OPA3: variants seen among roughly 807,000 people sequenced by gnomAD.
OPA3 encodes optic atrophy 3 protein.
A neutral mutation model predicts 4.0 loss-of-function variants in OPA3; 6 were observed. The ratio of observed to expected loss-of-function variants is 1.51; its 90% CI spans 0.83 to 2.99. The LOEUF (loss-of-function observed/expected upper bound fraction) is 2.99. Among genes scored for constraint, OPA3 ranks in the 30% most tolerant of loss-of-function variants. OPA3 has a pLI of 0.00. For synonymous variants in OPA3, 105 were observed against 117.1 expected (o/e 0.90, Z 0.67); for missense variants, 235 against 256.2 (o/e 0.92, Z 0.56).
intron 1 of OPA3, among the ~76,000 whole-genome samples, chr19:45,530,926 AC>A (rs1969052890): frequency 6.0e-5 from 3 of 49,606 alleles, no homozygotes; most frequent in Non-Finnish European, 1.2e-4. Flanking sequence ...CATGTCACCT[AC>A]TTTTTTTTTT....
rs1420741349 is a variant in OPA3, at chr19:45,548,109, T to A, written c.*5405A>T. 1 of 985,306 alleles carries A rather than the reference T, an allele frequency of 1.0e-6. No homozygotes were observed. Among genetic ancestry groups the A allele is most frequent in the Admixed American group, 6.2e-5 (1 of 16,220 alleles). The allele number at this position is 985,306 out of a possible 1,614,324, so 61.0% of individuals were successfully genotyped here. ...CTAGAATGGAGCCTGGTGCAGTTGA[T>A]CCTCAGTACACTCAGAGTTGCCATG... On this transcript the variant is annotated 3_prime_UTR_variant, in exon 2 of 2. Coordinates refer to ENST00000263275, the MANE Select transcript of OPA3 (RefSeq NM_025136.4).
At chr19:45,530,648 G>A (rs562483359) in intron 1 of OPA3, among the ~76,000 whole-genome samples, 31 of 151,972 alleles carry the variant, frequency 2.0e-4, no homozygotes, top group African/African-American at 6.5e-4. Context: ...TACTAGAGAC[G>A]GGTTTTCACC....
At chr19:45,555,780 C>T (rs911996272) in intron 1 of OPA3, among the ~76,000 whole-genome samples, 1 of 152,012 alleles carries the variant, frequency 6.6e-6, no homozygotes, top group Non-Finnish European at 1.5e-5. Context: ...CGTGAGCCAC[C>T]GTGCCTAGTC....
At chr19:45,580,341 T>C (rs1241568038) in intron 1 of OPA3, among the ~76,000 whole-genome samples, 1 of 144,666 alleles carries the variant, frequency 6.9e-6, no homozygotes, top group Non-Finnish European at 1.5e-5. Flanking sequence ...TTGCCCAGGC[T>C]GGAGTGCAAT....
At chr19:45,565,026 A>G (rs1204839898) in intron 1 of OPA3, among the ~76,000 whole-genome samples, 1 of 151,846 alleles carries the variant, frequency 6.6e-6, no homozygotes, top group African/African-American at 2.4e-5. Flanking sequence ...AGAGATCGAG[A>G]CCATCCTGGC....
At chr19:45,535,485 G>T (rs1266872009) in intron 1 of OPA3, among the ~76,000 whole-genome samples, 1 of 149,746 alleles carries the variant, frequency 6.7e-6, no homozygotes, top group Non-Finnish European at 1.5e-5. Flanking sequence ...AGCCTCCTGA[G>T]TAGCTGGGAC....
At position 45,552,801 on chromosome 19, in the gene OPA3, G is replaced by C. The variant is rs143735864; in HGVS notation, c.*713C>G. On this transcript the variant is annotated 3_prime_UTR_variant, in exon 2 of 2. Transcript: ENST00000263275. Reference sequence around the variant, plus strand: ...AGCAATTCTCCTGCCTCAGCCTCCCGAGTAGCTGGGATTACAAGCGCACCC... The same window carrying C: ...AGCAATTCTCCTGCCTCAGCCTCCCCAGTAGCTGGGATTACAAGCGCACCC... The C allele has an allele frequency of 2.8e-4, 47 of 165,742 alleles. No homozygotes were observed. Among genetic ancestry groups the C allele is most frequent in the Non-Finnish European group, 5.2e-4 (42 of 80,814 alleles). 10.3% of individuals were successfully genotyped at this position (165,742 alleles called of 1,614,324 possible).
At chr19:45,564,735 A>T (rs184965933) in intron 1 of OPA3, among the ~76,000 whole-genome samples, 1 of 152,292 alleles carries the variant, frequency 6.6e-6, no homozygotes, top group East Asian at 1.9e-4. Flanking sequence ...AAAGCCATTT[A>T]AAAATACACC....
chr19:45,570,673 T>C (rs1969649126), intron 1 of OPA3, among the ~76,000 whole-genome samples: 1 of 150,486 alleles, frequency 6.6e-6, no homozygotes, highest in South Asian at 2.1e-4. Flanking sequence ...GGCGACAGAG[T>C]GAGACTCCAT....
Position 45,548,725 on chromosome 19 carries a change from C to T in OPA3, c.*4789G>A, listed in dbSNP as rs1216826466. On this transcript the variant is annotated 3_prime_UTR_variant, in exon 2 of 2. Transcript: ENST00000263275. ...CTGGGTCCATGTCCCGGTGCGGGAC[C>T]ACCTCAGTGAGTTTTTTGAGTGAAA... 1 of 982,604 alleles carries T rather than the reference C, an allele frequency of 1.0e-6. No homozygotes were observed. The highest frequency in any genetic ancestry group is 1.2e-6 in the Non-Finnish European group (1 of 827,724). The allele number at this position is 982,604 out of a possible 1,614,324, so 60.9% of individuals were successfully genotyped here.
chr19:45,560,472 G>A (rs1969486775), intron 1 of OPA3, among the ~76,000 whole-genome samples: 1 of 152,058 alleles, frequency 6.6e-6, no homozygotes, highest in African/African-American at 2.4e-5. Flanking sequence ...CATGGACAAT[G>A]GGTATGGCTC....
chr19:45,572,722 C>A (rs1223870189), intron 1 of OPA3, among the ~76,000 whole-genome samples: 5 of 130,356 alleles, frequency 3.8e-5, no homozygotes, highest in African/African-American at 1.2e-4. Context: ...TCAATATATA[C>A]CTATATATCA....
At chr19:45,582,145 A>AT (rs1358843001) in intron 1 of OPA3, among the ~76,000 whole-genome samples, 2 of 150,630 alleles carry the variant, frequency 1.3e-5, no homozygotes, top group African/African-American at 4.9e-5. Context: ...ATTCAGGGAG[A>AT]TTTTATTTTT....
Position 45,550,545 on chromosome 19 carries a change from C to T in OPA3, c.*2969G>A. 3 of 986,846 alleles carry T rather than the reference C, an allele frequency of 3.0e-6. No individual in the cohort carries two copies. The highest frequency in any genetic ancestry group is 3.6e-6 in the Non-Finnish European group (3 of 831,082). 61.1% of individuals were successfully genotyped at this position (986,846 alleles called of 1,614,324 possible). ...ACTCTGCAGCTGGGGTAATCCAAGC[C>T]TCTCACTCTGCCCCTACTACTTCAC... On this transcript the variant is annotated 3_prime_UTR_variant, in exon 2 of 2. Coordinates refer to ENST00000263275, the MANE Select transcript of OPA3 (RefSeq NM_025136.4).
intron 1 of OPA3, among the ~76,000 whole-genome samples, chr19:45,539,140 AC>A (rs1378789221): frequency 6.6e-6 from 1 of 152,172 alleles, no homozygotes; most frequent in Non-Finnish European, 1.5e-5. Flanking sequence ...CCCCATGATC[AC>A]TTCCCTCCCT....
chr19:45,574,070 C>A (rs1430693762), intron 1 of OPA3, among the ~76,000 whole-genome samples: 4 of 148,216 alleles, frequency 2.7e-5, no homozygotes. Context: ...AGGCAAAAGC[C>A]TGGGCAACAA....
intron 1 of OPA3, among the ~76,000 whole-genome samples, chr19:45,561,594 G>C (rs577312486): frequency 6.6e-6 from 1 of 152,162 alleles, no homozygotes; most frequent in African/African-American, 2.4e-5. Context: ...AGGGAGGAGG[G>C]AGAGGTTATT....
At chr19:45,555,639 C>T (rs1331403061) in intron 1 of OPA3, among the ~76,000 whole-genome samples, 2 of 152,024 alleles carry the variant, frequency 1.3e-5, no homozygotes, top group African/African-American at 4.8e-5. Context: ...TACAGGCGCC[C>T]GCTACCACGC....
chr19:45,563,998 TA>T (rs1201069546), intron 1 of OPA3, among the ~76,000 whole-genome samples: 1 of 151,726 alleles, frequency 6.6e-6, no homozygotes, highest in Non-Finnish European at 1.5e-5. Flanking sequence ...CCAAAACAGA[TA>T]ATTAAAACTT....
Sources: gnomAD v4.1 joint callset for allele counts (sites outside exome capture counted in the v4.1 genomes callset) on GRCh38, gnomAD v4.1.1 for gene constraint, MANE v1.5 for transcripts, NCBI Gene and HGNC (gene_info 2026-07-23, HGNC 2026-07-21) for gene names.